SDC2: variants seen among roughly 807,000 people sequenced by gnomAD.
SDC2 encodes the protein syndecan 2.
A neutral mutation model predicts 22.2 loss-of-function variants in SDC2; 13 were observed. The ratio of observed to expected loss-of-function variants is 0.59; its 90% confidence interval spans 0.38 to 0.93. The LOEUF is 0.93. Among genes scored for constraint, SDC2 ranks in the 40% least tolerant of loss-of-function variants. SDC2 has a pLI of 0.00. For missense variants in SDC2, 235 were observed against 246.8 expected (o/e 0.95, Z 0.32); for synonymous variants, 94 against 92.8 (o/e 1.01, Z -0.07).
intron 1 of SDC2, among the ~76,000 whole-genome samples, chr8:96,557,681 C>T (rs62516107): frequency 0.027 from 4,112 of 151,876 alleles, 72 homozygotes; most frequent in South Asian, 0.039. Context: ...TGGTAGATGA[C>T]GAGTTAGTGG....
intron 1 of SDC2, among the ~76,000 whole-genome samples, chr8:96,502,445 C>T (rs994047529): frequency 1.3e-5 from 2 of 149,630 alleles, no homozygotes; most frequent in Admixed American, 6.7e-5. Flanking sequence ...AGAACAGCTG[C>T]GTGGTAAAAA....
At chr8:96,585,665 C>CAACA (rs775865353) in intron 1 of SDC2, among the ~76,000 whole-genome samples, 20 of 152,076 alleles carry the variant, frequency 1.3e-4, no homozygotes, top group African/African-American at 2.2e-4. Context: ...TAAATTTACC[C>CAACA]AACAAACCAC....
chr8:96,594,060 T>C (rs980258328), intron 2 of SDC2, among the ~76,000 whole-genome samples: 10 of 152,196 alleles, frequency 6.6e-5, no homozygotes, highest in Non-Finnish European at 1.5e-4. Context: ...TACGTTTTTA[T>C]TCCTAGGGTA....
chr8:96,555,271 G>A (rs558596397), intron 1 of SDC2, among the ~76,000 whole-genome samples: 14 of 152,084 alleles, frequency 9.2e-5, no homozygotes, highest in South Asian at 6.2e-4. Flanking sequence ...GAATAATGCC[G>A]ATTCTTTCAT....
chr8:96,563,671 A>G (rs10097232), intron 1 of SDC2, among the ~76,000 whole-genome samples: 12,560 of 152,254 alleles, frequency 0.082, 565 homozygotes, highest in Middle Eastern at 0.13. Context: ...CCACTCTTCT[A>G]AACAGTTCTC....
intron 2 of SDC2, among the ~76,000 whole-genome samples, chr8:96,600,178 C>A (rs1814954681): frequency 6.6e-6 from 1 of 152,082 alleles, no homozygotes; most frequent in Admixed American, 6.6e-5. Context: ...GAACCATGGC[C>A]ATTGCACATG....
At chr8:96,502,014 G>A (rs912046081) in intron 1 of SDC2, among the ~76,000 whole-genome samples, 1 of 152,000 alleles carries the variant, frequency 6.6e-6, no homozygotes, top group Non-Finnish European at 1.5e-5. Flanking sequence ...ATTGTCCTGC[G>A]TATTCGTGAT....
intron 1 of SDC2, among the ~76,000 whole-genome samples, chr8:96,552,909 T>G (rs1342939327): frequency 1.3e-5 from 2 of 152,190 alleles, no homozygotes; most frequent in Non-Finnish European, 2.9e-5. Context: ...CTCCAATTCA[T>G]TAAGCTACTA....
At chr8:96,577,746 T>C (rs1002208332) in intron 1 of SDC2, among the ~76,000 whole-genome samples, 3 of 152,054 alleles carry the variant, frequency 2.0e-5, no homozygotes, top group Non-Finnish European at 4.4e-5. Flanking sequence ...GCCCACCCCC[T>C]CTTCCCCTGA....
chr8:96,541,200 G>A (rs1228352283), intron 1 of SDC2, among the ~76,000 whole-genome samples: 1 of 152,152 alleles, frequency 6.6e-6, no homozygotes, highest in Admixed American at 6.5e-5. Context: ...GGAGGCTGAG[G>A]CAGGCAGATC....
chr8:96,578,292 A>G lies in SDC2; in HGVS notation c.61-15188A>G, dbSNP rs146405094. Among the ~76,000 whole-genome samples, 10 of 152,340 alleles carry G rather than the reference A, an allele frequency of 6.6e-5. No homozygotes were observed. In the East Asian group the frequency reaches 1.9e-3, roughly 29 times the overall value. ...TATGGTAGCCACTAGAAAAGTCTGG[A>G]AAAATAGCCACATGTGTCTATTTGA... is the stretch of plus-strand genomic sequence containing the variant. On this transcript the variant is annotated intron_variant, in intron 1 of 4. Coordinates refer to ENST00000302190, the MANE Select transcript of SDC2 (RefSeq NM_002998.4).
chr8:96,556,684 T>C (rs1397044851), intron 1 of SDC2, among the ~76,000 whole-genome samples: 1 of 152,138 alleles, frequency 6.6e-6, no homozygotes, highest in Non-Finnish European at 1.5e-5. Flanking sequence ...GAAGAAAACC[T>C]AGGCAGTACC....
chr8:96,569,035 G>A (rs956068646), intron 1 of SDC2, among the ~76,000 whole-genome samples: 12 of 152,112 alleles, frequency 7.9e-5, no homozygotes, highest in African/African-American at 2.9e-4. Flanking sequence ...TTTGAAACAA[G>A]GTCTTGCTGT....
At chr8:96,528,643 GTTGT>G (rs1471414452) in intron 1 of SDC2, among the ~76,000 whole-genome samples, 1 of 152,068 alleles carries the variant, frequency 6.6e-6, no homozygotes, top group East Asian at 1.9e-4. Context: ...GTTTCATAAT[GTTGT>G]TTTTTAATCT....
intron 1 of SDC2, among the ~76,000 whole-genome samples, chr8:96,540,231 C>T (rs1255595111): frequency 6.6e-6 from 1 of 151,172 alleles, no homozygotes; most frequent in African/African-American, 2.4e-5. Flanking sequence ...GGAGGCCAGG[C>T]GTGTAATCCC....
intron 1 of SDC2, among the ~76,000 whole-genome samples, chr8:96,592,070 T>A (rs1814790510): frequency 6.6e-6 from 1 of 152,200 alleles, no homozygotes; most frequent in African/African-American, 2.4e-5. Flanking sequence ...TGCAGCACAC[T>A]CTTGGCTCAG....
intron 1 of SDC2, among the ~76,000 whole-genome samples, chr8:96,579,499 G>T (rs1272123397): frequency 6.6e-6 from 1 of 152,180 alleles, no homozygotes; most frequent in Non-Finnish European, 1.5e-5. Flanking sequence ...CTGGTATTTG[G>T]AAGTTCAGTC....
chr8:96,518,453 C>G (rs1813443067), intron 1 of SDC2, among the ~76,000 whole-genome samples: 1 of 151,516 alleles, frequency 6.6e-6, no homozygotes, highest in Non-Finnish European at 1.5e-5. Flanking sequence ...CTCCGCCTCC[C>G]AGGTTCACGT....
At chr8:96,559,268 A>G (rs1230923683) in intron 1 of SDC2, among the ~76,000 whole-genome samples, 1 of 152,178 alleles carries the variant, frequency 6.6e-6, no homozygotes, top group African/African-American at 2.4e-5. Flanking sequence ...GAAAGATTTC[A>G]GATTTTAACA....
Sources: allele counts gnomAD v4.1 joint callset (sites outside exome capture counted in the v4.1 genomes callset), GRCh38; gene constraint gnomAD v4.1.1; transcripts MANE v1.5; gene names NCBI Gene and HGNC (gene_info 2026-07-23, HGNC 2026-07-21).